ALDH1A2: variants seen among roughly 807,000 people sequenced by gnomAD.
ALDH1A2 encodes the protein aldehyde dehydrogenase 1 family member A2.
A neutral mutation model predicts 60.3 loss-of-function variants in ALDH1A2; 27 were observed. The ratio of observed to expected loss-of-function variants is 0.45; its 90% confidence interval spans 0.33 to 0.62. The LOEUF is 0.62. Ranked by LOEUF, ALDH1A2 falls within the 20% of genes least tolerant of loss-of-function variation. ALDH1A2 has a pLI of 0.02. For synonymous variants in ALDH1A2, 289 were observed against 232.4 expected (o/e 1.24, Z -2.21); for missense variants, 581 against 643.8 (o/e 0.90, Z 1.06).
chr15:58,001,346 A>G (rs1343747394), intron 4 of ALDH1A2, among the ~76,000 whole-genome samples: 2 of 151,968 alleles, frequency 1.3e-5, no homozygotes, highest in East Asian at 1.9e-4. Context: ...GAATTAGAGT[A>G]TAATGTCAAG....
chr15:57,971,167 T>C (rs1257740801), intron 7 of ALDH1A2, among the ~76,000 whole-genome samples: 3 of 152,236 alleles, frequency 2.0e-5, no homozygotes, highest in African/African-American at 7.2e-5. Context: ...ACTTGCCCTT[T>C]CTGGAACATG....
intron 1 of ALDH1A2, among the ~76,000 whole-genome samples, chr15:58,035,809 G>T (rs1484324190): frequency 6.6e-6 from 1 of 151,634 alleles, no homozygotes; most frequent in Admixed American, 6.6e-5. Context: ...GTTAAAGTGT[G>T]ATTTATACCC....
intron 1 of ALDH1A2, among the ~76,000 whole-genome samples, chr15:58,025,702 T>C (rs1277270288): frequency 6.6e-6 from 1 of 152,224 alleles, no homozygotes; most frequent in East Asian, 1.9e-4. Context: ...AAAGAATTTA[T>C]CTTGGCTTAT....
At chr15:58,019,980 G>A (rs763379420) in intron 1 of ALDH1A2, among the ~76,000 whole-genome samples, 15 of 111,352 alleles carry the variant, frequency 1.3e-4, no homozygotes, top group Non-Finnish European at 2.6e-4. Context: ...CTCTCCCTCC[G>A]CCCACCCCCT....
At chr15:58,016,661 A>G (rs1041397794) in intron 1 of ALDH1A2, among the ~76,000 whole-genome samples, 8 of 152,168 alleles carry the variant, frequency 5.3e-5, no homozygotes, top group Non-Finnish European at 1.0e-4. Flanking sequence ...TAGTGATCTT[A>G]TATTTCCTGT....
chr15:58,047,235 G>A (rs1234312381), intron 1 of ALDH1A2, among the ~76,000 whole-genome samples: 4 of 151,908 alleles, frequency 2.6e-5, no homozygotes, highest in Non-Finnish European at 4.4e-5. Context: ...GTAATAAAAC[G>A]TTTTGTTTTT....
At chr15:58,014,057 C>A in intron 2 of ALDH1A2, 59 bp from the exon 3 acceptor site, 3 of 1,613,966 alleles carry the variant, frequency 1.9e-6, no homozygotes, top group Non-Finnish European at 1.7e-6. Context: ...GAAGAACCAT[C>A]CACTGTCATG....
intron 4 of ALDH1A2, among the ~76,000 whole-genome samples, chr15:57,999,686 C>T (rs561880874): frequency 6.6e-6 from 1 of 151,858 alleles, no homozygotes; most frequent in Non-Finnish European, 1.5e-5. Flanking sequence ...CCAGAAATAC[C>T]ATTTTACCCA....
intron 5 of ALDH1A2, 59 bp from the exon 6 acceptor site, chr15:57,993,132 T>C: frequency 1.3e-6 from 2 of 1,594,904 alleles, no homozygotes; most frequent in Non-Finnish European, 1.7e-6. Context: ...TACTTTGTTT[T>C]CAAGCTGTGA....
At chr15:58,021,594 G>C (rs1420335869) in intron 1 of ALDH1A2, among the ~76,000 whole-genome samples, 3 of 152,220 alleles carry the variant, frequency 2.0e-5, no homozygotes, top group African/African-American at 4.8e-5. Flanking sequence ...TCCTAGGAGA[G>C]AACTTAACAC....
intron 1 of ALDH1A2, among the ~76,000 whole-genome samples, chr15:58,034,300 T>C (rs1896320834): frequency 6.6e-6 from 1 of 151,772 alleles, no homozygotes; most frequent in Non-Finnish European, 1.5e-5. Context: ...ATCAAATGAC[T>C]TTTGTAGATT....
intron 1 of ALDH1A2, among the ~76,000 whole-genome samples, chr15:58,027,854 G>A (rs2140535680): frequency 6.6e-6 from 1 of 152,190 alleles, no homozygotes; most frequent in African/African-American, 2.4e-5. Context: ...AGAGAAAAAA[G>A]AGTGAAAAGA....
chr15:58,000,597 C>T (rs1178869616), intron 4 of ALDH1A2, among the ~76,000 whole-genome samples: 1 of 151,882 alleles, frequency 6.6e-6, no homozygotes, highest in African/African-American at 2.4e-5. Context: ...GTAATATTTT[C>T]TTCTAATATT....
chr15:58,064,399 C>G (rs1328137288), intron 1 of ALDH1A2, among the ~76,000 whole-genome samples: 1 of 152,162 alleles, frequency 6.6e-6, no homozygotes, highest in Non-Finnish European at 1.5e-5. Flanking sequence ...AAACTCAATG[C>G]AAGTAAAATC....
Position 57,961,997 on chromosome 15 carries a change from C to T in ALDH1A2, c.1251+15G>A, listed in dbSNP as rs758165607. On this transcript the variant is annotated intron_variant, in intron 10 of 12. Coordinates refer to ENST00000249750, the MANE Select transcript of ALDH1A2 (RefSeq NM_003888.4). Reference sequence around the variant, plus strand: ...AAGAAAGATGTGGCTTTTGTAAGAACAGCATATTTGATACCTCCTCCTTGG... The same window carrying T: ...AAGAAAGATGTGGCTTTTGTAAGAATAGCATATTTGATACCTCCTCCTTGG... 3.1e-6 allele frequency: 5 copies of T among 1,613,880 alleles called. No homozygotes were observed. The highest frequency in any genetic ancestry group is 2.7e-5 in the African/African-American group (2 of 74,908).
At chr15:57,959,915 T>A (rs1314929003) in intron 12 of ALDH1A2, among the ~76,000 whole-genome samples, 2 of 152,142 alleles carry the variant, frequency 1.3e-5, no homozygotes, top group Non-Finnish European at 2.9e-5. Flanking sequence ...ACTACCGTTA[T>A]TTTTCCCGCA....
chr15:58,065,160 G>A, intron 1 of ALDH1A2: 2 of 297,606 alleles, frequency 6.7e-6, no homozygotes, highest in South Asian at 2.8e-5. Context: ...CAGGCTGCGT[G>A]GCCAAGCTGA....
intron 4 of ALDH1A2, among the ~76,000 whole-genome samples, chr15:58,004,693 T>TTGTGTGTGTGTGTG (rs138706461): frequency 7.8e-4 from 107 of 137,126 alleles, no homozygotes; most frequent in African/African-American, 2.5e-3. Flanking sequence ...ATCCCATGAT[T>TTGTGTGTGTGTGTG]TGTGTGTGTG....
chr15:57,979,435 G>A (rs571873090), intron 7 of ALDH1A2, among the ~76,000 whole-genome samples: 188 of 152,206 alleles, frequency 1.2e-3, no homozygotes, highest in African/African-American at 4.0e-3. Context: ...TCTTCTCCCC[G>A]GCACAGCTCT....
Sources: allele counts gnomAD v4.1 joint callset (sites outside exome capture counted in the v4.1 genomes callset), GRCh38; gene constraint gnomAD v4.1.1; transcripts MANE v1.5; gene names NCBI Gene and HGNC (gene_info 2026-07-23, HGNC 2026-07-21).